The following KIF26B variants were observed in gnomAD, a reference collection of about 807,000 sequenced individuals.
KIF26B encodes kinesin family member 26B, also known as kinesin-like protein KIF26B.
A neutral mutation model predicts 151.2 loss-of-function variants in KIF26B; 63 were observed. The observed-to-expected ratio is 0.42, with a 90% CI of 0.34 to 0.51. The LOEUF is 0.51. Ranked by LOEUF, KIF26B falls within the 20% of genes least tolerant of loss-of-function variation. KIF26B has a pLI of 0.07. For synonymous variants in KIF26B, 1,357 were observed against 1,262.1 expected (o/e 1.08, Z -1.59); for missense variants, 2,813 against 2,913.6 (o/e 0.97, Z 0.79).
chr1:245,268,850 T>A (rs1670797511), intron 2 of KIF26B, among the ~76,000 whole-genome samples: 2 of 152,240 alleles, frequency 1.3e-5, no homozygotes, highest in South Asian at 4.2e-4. Context: ...ACACAGGACT[T>A]TCAGTGCTAA....
intron 4 of KIF26B, among the ~76,000 whole-genome samples, chr1:245,441,189 G>A (rs1659069788): frequency 6.6e-6 from 1 of 152,148 alleles, no homozygotes; most frequent in Middle Eastern, 3.2e-3. Flanking sequence ...TAATTAAGAG[G>A]GGTGTGGAGC....
chr1:245,255,121 C>G (rs1670509070), intron 2 of KIF26B, among the ~76,000 whole-genome samples: 1 of 152,202 alleles, frequency 6.6e-6, no homozygotes, highest in Non-Finnish European at 1.5e-5. Context: ...GCCTCCTTCT[C>G]TTGCTCTCTC....
At chr1:245,165,044 G>A (rs1195631273) in intron 2 of KIF26B, among the ~76,000 whole-genome samples, 1 of 146,458 alleles carries the variant, frequency 6.8e-6, no homozygotes, top group African/African-American at 2.5e-5. Flanking sequence ...GCACTCCAGC[G>A]TGGGTGACGG....
chr1:245,355,744 T>G (rs1268947378), intron 2 of KIF26B, among the ~76,000 whole-genome samples: 2 of 152,188 alleles, frequency 1.3e-5, no homozygotes, highest in East Asian at 3.8e-4. Context: ...CTATTTATCA[T>G]TGTCTTGAAT....
chr1:245,197,810 T>C (rs560996691), intron 2 of KIF26B, among the ~76,000 whole-genome samples: 3 of 152,338 alleles, frequency 2.0e-5, no homozygotes, highest in African/African-American at 7.2e-5. Flanking sequence ...GTTCACCATA[T>C]AGACGACAAC....
chr1:245,308,992 T>TTGGCCAAG (rs1671613027), intron 2 of KIF26B, among the ~76,000 whole-genome samples: 1 of 152,076 alleles, frequency 6.6e-6, no homozygotes, highest in Non-Finnish European at 1.5e-5. Flanking sequence ...AGCAAACCAG[T>TTGGCCAAG]TGGCCAAGGA....
At chr1:245,306,524 C>T (rs1253612617) in intron 2 of KIF26B, among the ~76,000 whole-genome samples, 27 of 152,138 alleles carry the variant, frequency 1.8e-4, no homozygotes, top group Admixed American at 1.8e-3. Flanking sequence ...TTCAATAGAG[C>T]TGTTTTAAAA....
rs779596505 is a variant in KIF26B at position 245,678,772 on chromosome 1, G to A, written c.2259-5461G>A. On this transcript the variant is annotated intron_variant, in intron 10 of 14. Transcript: ENST00000407071. ...CAGCTACTCAGGAGGCTGAGGCAGG[G>A]GAATCGCTTGAACCCAGGAGGCGGA... is the stretch of plus-strand genomic sequence containing the variant. Among the ~76,000 whole-genome samples, 260 of 151,958 alleles carry A rather than the reference G, an allele frequency of 1.7e-3. 1 individual carries two copies. Among genetic ancestry groups the A allele is most frequent in the Non-Finnish European group, 2.4e-3 (163 of 67,978 alleles).
intron 4 of KIF26B, among the ~76,000 whole-genome samples, chr1:245,432,616 A>G (rs1658807021): frequency 1.3e-5 from 2 of 152,166 alleles, no homozygotes; most frequent in African/African-American, 4.8e-5. Context: ...TTATTATTTT[A>G]ATTCTATAGC....
rs557522279 is a variant in KIF26B at position 245,238,313 on chromosome 1, G to A, written c.465+81630G>A. ...ATCGCACCACTGTGCTCCAGCCTGC[G>A]TGACAGAAACTTCATCTCATCTAAA... is the stretch of plus-strand genomic sequence containing the variant. On this transcript the variant is annotated intron_variant, in intron 2 of 14. Transcript: ENST00000407071. 4.8e-4 allele frequency among the ~76,000 whole-genome samples: 73 copies of A among 152,268 alleles called. No individual in the cohort carries two copies. The Middle Eastern group carries it at 0.027, about 57-fold the overall frequency.
intron 4 of KIF26B, among the ~76,000 whole-genome samples, chr1:245,423,459 G>A (rs955108701): frequency 6.6e-6 from 1 of 150,406 alleles, no homozygotes; most frequent in African/African-American, 2.5e-5. Flanking sequence ...ACAGACACAG[G>A]AAGACACTTT....
At chr1:245,696,353 G>A (rs143138474) in intron 12 of KIF26B, among the ~76,000 whole-genome samples, 2 of 152,334 alleles carry the variant, frequency 1.3e-5, no homozygotes, top group East Asian at 3.9e-4. Flanking sequence ...ACATGAGTGA[G>A]CTTAGAAATG....
At chr1:245,229,233 A>G (rs1377172222) in intron 2 of KIF26B, among the ~76,000 whole-genome samples, 1 of 151,902 alleles carries the variant, frequency 6.6e-6, no homozygotes. Context: ...CGGTCTCCCA[A>G]AGTGCTGGGA....
intron 5 of KIF26B, among the ~76,000 whole-genome samples, chr1:245,550,596 G>T (rs1661857650): frequency 6.6e-6 from 1 of 152,220 alleles, no homozygotes; most frequent in Non-Finnish European, 1.5e-5. Context: ...GCCAGCCTGG[G>T]GCAAAAGGCA....
chr1:245,589,944 C>T (rs2043268299), intron 5 of KIF26B, among the ~76,000 whole-genome samples: 1 of 152,216 alleles, frequency 6.6e-6, no homozygotes. Context: ...GCAGCTTTGC[C>T]TGGGTCCTGT....
At chr1:245,663,388 TCA>T (rs71833497) in intron 10 of KIF26B, among the ~76,000 whole-genome samples, 13,090 of 41,424 alleles carry the variant, frequency 0.32, 1,002 homozygotes, top group East Asian at 0.59. Context: ...TCATTTGTGA[TCA>T]TTTTTTTTTG....
At chr1:245,649,522 A>G (rs2043991394) in intron 10 of KIF26B, among the ~76,000 whole-genome samples, 3 of 152,198 alleles carry the variant, frequency 2.0e-5, no homozygotes. Context: ...AGCATACTAA[A>G]CACCTTCAGG....
At chr1:245,450,708 T>A (rs1558170924) in intron 4 of KIF26B, among the ~76,000 whole-genome samples, 1 of 152,234 alleles carries the variant, frequency 6.6e-6, no homozygotes, top group East Asian at 1.9e-4. Context: ...AAGTGTTTTT[T>A]ATACTAAAAG....
chr1:245,697,947 AAG>A (rs1291576278), intron 12 of KIF26B, among the ~76,000 whole-genome samples, 157 bp from the exon 13 acceptor site: 2 of 115,970 alleles, frequency 1.7e-5, no homozygotes, highest in Admixed American at 9.4e-5. Flanking sequence ...AGGCTGAGAC[AAG>A]AGAATTGCTT....
Sources: allele counts gnomAD v4.1 joint callset (sites outside exome capture counted in the v4.1 genomes callset), GRCh38; gene constraint gnomAD v4.1.1; transcripts MANE v1.5; gene names NCBI Gene and HGNC (gene_info 2026-07-23, HGNC 2026-07-21).